POLA2: variants seen among roughly 807,000 people sequenced by gnomAD.
POLA2 encodes the protein DNA polymerase alpha 2, accessory subunit.
POLA2 carries 47 observed loss-of-function variants against 82.8 expected under a neutral mutation model. That is an observed-to-expected ratio of 0.57 (90% CI 0.45 to 0.72). The LOEUF (loss-of-function observed/expected upper bound fraction) is 0.72. Among genes scored for constraint, POLA2 ranks in the 30% least tolerant of loss-of-function variants. POLA2 has a pLI of 0.00. For missense variants in POLA2, 634 were observed against 728.1 expected (o/e 0.87, Z 1.49); for synonymous variants, 287 against 286.8 (o/e 1.00, Z -0.01).
At chr11:65,293,760 G>A (rs1246234827) in intron 13 of POLA2, among the ~76,000 whole-genome samples, 1 of 152,140 alleles carries the variant, frequency 6.6e-6, no homozygotes, top group East Asian at 1.9e-4. Context: ...GGTGTAATGA[G>A]TCCAAGCTGT....
chr11:65,299,266 C>A (rs1360715899), downstream of POLA2, among the ~76,000 whole-genome samples: 1 of 152,224 alleles, frequency 6.6e-6, no homozygotes, highest in African/African-American at 2.4e-5. Context: ...CCTTGAGACA[C>A]CAACTAGACG....
intron 4 of POLA2, among the ~76,000 whole-genome samples, chr11:65,272,721 T>C (rs1004224476): frequency 1.3e-5 from 2 of 152,140 alleles, no homozygotes; most frequent in African/African-American, 4.8e-5. Flanking sequence ...TGATTAAAAA[T>C]GATGAAACCG....
In POLA2 at chr11:65,284,946, G is replaced by A. The variant is rs576680158; in HGVS notation, c.1006+2425G>A. Among the ~76,000 whole-genome samples the A allele has an allele frequency of 2.2e-4, 34 of 152,292 alleles. No individual in the cohort carries two copies. The South Asian group carries it at 7.0e-3, about 32-fold the overall frequency. On this transcript the variant is annotated intron_variant, in intron 10 of 17. Transcript: ENST00000265465. ...AGTGGCCAGAGCCATTCTTGGAGAT[G>A]ACCTAGAATCAGGAGTGAAATTTAG... is the stretch of plus-strand genomic sequence containing the variant.
chr11:65,303,610 C>T (rs1465593543), downstream of POLA2, among the ~76,000 whole-genome samples: 2 of 152,172 alleles, frequency 1.3e-5, no homozygotes, highest in Admixed American at 6.6e-5. Flanking sequence ...CCACACCCCA[C>T]AGCTGTTGTA....
At position 65,262,306 on chromosome 11, in the gene POLA2, C is replaced by T. The variant is rs141406398; in HGVS notation, c.14C>T (p.Ala5Val). Residue 5 changes from alanine to valine, a missense_variant, in exon 1 of 18, where the codon GCC (alanine) becomes GTC (valine). Physicochemically the swap from Ala to Val is moderately conservative, Grantham distance 64 (BLOSUM62 0). Coordinates refer to ENST00000265465, the MANE Select transcript of POLA2 (RefSeq NM_002689.4). The part of the protein sequence containing the change: MSAS[A>V]QQLAEELQIF... The stretch of plus-strand genomic sequence containing the variant: ...GCTTGGGCGACCATGTCCGCATCCG[C>T]CCAGCAGCTGGCGGAGGAGCTGCAG... 126 of 1,613,432 alleles carry T rather than the reference C, an allele frequency of 7.8e-5. No individual in the cohort carries two copies. In the African/African-American group the frequency reaches 1.4e-3, roughly 18 times the overall value.
chr11:65,270,020 C>T (rs557013120), intron 4 of POLA2, among the ~76,000 whole-genome samples: 2 of 152,216 alleles, frequency 1.3e-5, no homozygotes, highest in South Asian at 2.1e-4. Context: ...TTAGTAGAGA[C>T]GGGGTTTCAC....
chr11:65,283,472 C>T lies in POLA2; in HGVS notation c.1006+951C>T, dbSNP rs1949662132. ...TTCTAAAGTGAAAACTTAAAAATAACTTCCTTTTTTTTTTTGAGATGGAGT... is the reference window on the plus strand; with the variant it reads ...TTCTAAAGTGAAAACTTAAAAATAATTTCCTTTTTTTTTTTGAGATGGAGT... On this transcript the variant is annotated intron_variant, in intron 10 of 17. Transcript: ENST00000265465. Among the ~76,000 whole-genome samples, 6 of 151,832 alleles carry T rather than the reference C, an allele frequency of 4.0e-5. No individual in the cohort carries two copies. The South Asian group carries it at 1.2e-3, about 31-fold the overall frequency.
At chr11:65,267,793 A>AT (rs201382452) in intron 3 of POLA2, among the ~76,000 whole-genome samples, 9,534 of 144,820 alleles carry the variant, frequency 0.066, 379 homozygotes, top group African/African-American at 0.11. Flanking sequence ...AAAAGTACAA[A>AT]TTTTTTTTTT....
Position 65,280,999 on chromosome 11 carries a change from T to C in POLA2, c.752T>C (p.Val251Ala), listed in dbSNP as rs1256027881. 6.2e-7 allele frequency: 1 copy of C among 1,613,752 alleles called. No homozygotes were observed. The highest frequency in any genetic ancestry group is 1.1e-5 in the South Asian group (1 of 91,052). ...GTGACCTTCCTTTGGTAGGAGCCTG[T>C]CACTCTGCTGGGCCAGATTGGCTGT... ...TPLLAPAQEP[V>A]TLLGQIGCDS... The change falls in exon 8 of 18, where the codon GTC becomes GCC. Residue 251 changes from valine to alanine, a missense_variant. Val to Ala is a moderately conservative substitution (Grantham distance 64). Coordinates refer to ENST00000265465, the MANE Select transcript of POLA2 (RefSeq NM_002689.4).
At chr11:65,302,388 G>C (rs1330337412), downstream of POLA2, among the ~76,000 whole-genome samples, 2 of 152,136 alleles carry the variant, frequency 1.3e-5, no homozygotes, top group African/African-American at 4.8e-5. Flanking sequence ...CCGTCAGGCA[G>C]GCTTGGCCCT....
intron 5 of POLA2, among the ~76,000 whole-genome samples, chr11:65,278,017 G>C (rs900781462): frequency 6.6e-6 from 1 of 152,192 alleles, no homozygotes; most frequent in African/African-American, 2.4e-5. Flanking sequence ...AACAAAGCCT[G>C]TTTTAAATAG....
At chr11:65,299,118 G>A (rs772157341), downstream of POLA2, among the ~76,000 whole-genome samples, 1 of 152,192 alleles carries the variant, frequency 6.6e-6, no homozygotes, top group African/African-American at 2.4e-5. Flanking sequence ...GTTTCCCCAG[G>A]CATCTGTCAT....
At chr11:65,276,790 CTTT>C (rs1267118697) in intron 5 of POLA2, among the ~76,000 whole-genome samples, 2 of 137,728 alleles carry the variant, frequency 1.5e-5, no homozygotes, top group African/African-American at 2.7e-5. Context: ...AACTCTATCA[CTTT>C]TTTTTTTTTT....
At chr11:65,276,929 T>C (rs1949587118) in intron 5 of POLA2, among the ~76,000 whole-genome samples, 1 of 151,950 alleles carries the variant, frequency 6.6e-6, no homozygotes, top group Non-Finnish European at 1.5e-5. Flanking sequence ...TAGCTGGGTC[T>C]ACAGGCGCTC....
At chr11:65,287,423 C>T (rs78776462) in intron 10 of POLA2, among the ~76,000 whole-genome samples, 265 of 152,314 alleles carry the variant, frequency 1.7e-3, no homozygotes, top group Non-Finnish European at 2.3e-3. Context: ...CAAATTCCAC[C>T]TTGGTAAATT....
chr11:65,281,169 C>T (rs1296007401), intron 8 of POLA2, 22 bp downstream of exon 8: 1 of 1,611,950 alleles, frequency 6.2e-7, no homozygotes, highest in Admixed American at 1.7e-5. Context: ...GGAGTTCCAC[C>T]AGAATGCAGG....
At chr11:65,293,989 C>T (rs1949782347) in intron 13 of POLA2, among the ~76,000 whole-genome samples, 164 bp from the exon 14 acceptor site, 1 of 152,212 alleles carries the variant, frequency 6.6e-6, no homozygotes, top group South Asian at 2.1e-4. Flanking sequence ...CTCCCAGTGT[C>T]CCATGGGAAA....
At chr11:65,300,084 G>A (rs1949851495), downstream of POLA2, among the ~76,000 whole-genome samples, 1 of 152,106 alleles carries the variant, frequency 6.6e-6, no homozygotes, top group South Asian at 2.1e-4. Context: ...CACCCCAAAG[G>A]AAACCCTGCA....
At chr11:65,291,405 C>T (rs1177327744) in intron 13 of POLA2, among the ~76,000 whole-genome samples, 2 of 152,242 alleles carry the variant, frequency 1.3e-5, no homozygotes, top group African/African-American at 2.4e-5. Flanking sequence ...CCCCAACTCA[C>T]CCCAGAATCA....
Sources: allele counts gnomAD v4.1 joint callset (sites outside exome capture counted in the v4.1 genomes callset), GRCh38; gene constraint gnomAD v4.1.1; transcripts MANE v1.5; gene names NCBI Gene and HGNC (gene_info 2026-07-23, HGNC 2026-07-21).